DRC10: variants seen among roughly 807,000 people sequenced by gnomAD.
DRC10 encodes IQ domain-containing protein D.
At chr12:113,196,015 A>C in the DRC10 span, 3 of 1,379,062 alleles carry the variant, frequency 2.2e-6, no homozygotes, top group South Asian at 1.5e-5. Context: ...TAAGCTGTTC[A>C]GCATCTCTCG....
At chr12:113,205,853 C>CA in the DRC10 span, among the ~76,000 whole-genome samples, 8 of 139,536 alleles carry the variant, frequency 5.7e-5, no homozygotes, top group Middle Eastern at 4.3e-3. Context: ...TGCGCCACTG[C>CA]AGTCCGCAGT....
chr12:113,201,327 G>C, the DRC10 span, among the ~76,000 whole-genome samples: 3 of 152,246 alleles, frequency 2.0e-5, no homozygotes, highest in Non-Finnish European at 4.4e-5. Flanking sequence ...GGCTTCATCT[G>C]TCTGGGGTTG....
the DRC10 span, among the ~76,000 whole-genome samples, chr12:113,196,179 T>G: frequency 6.6e-6 from 1 of 152,152 alleles, no homozygotes; most frequent in South Asian, 2.1e-4. Flanking sequence ...TCAACTGACT[T>G]CACCTTTCGG....
At chr12:113,196,375 T>C in the DRC10 span, among the ~76,000 whole-genome samples, 2 of 152,278 alleles carry the variant, frequency 1.3e-5, no homozygotes, top group East Asian at 1.9e-4. Flanking sequence ...GAAGGAACTT[T>C]CTCAGGCCTC....
chr12:113,202,057 C>T, the DRC10 span, among the ~76,000 whole-genome samples: 2 of 152,252 alleles, frequency 1.3e-5, no homozygotes, highest in East Asian at 3.8e-4. Context: ...ATGAGACCAG[C>T]AGGGCCACCT....
the DRC10 span, chr12:113,208,369 T>C: frequency 7.2e-7 from 1 of 1,393,198 alleles, no homozygotes; most frequent in East Asian, 2.6e-5. Context: ...AGGTCCTCTG[T>C]CGCTTTTACA....
chr12:113,215,432 A>C, the DRC10 span, among the ~76,000 whole-genome samples: 3 of 152,240 alleles, frequency 2.0e-5, no homozygotes, highest in African/African-American at 7.2e-5. Flanking sequence ...TTCTTAAAAT[A>C]GATGTGCTTT....
At chr12:113,200,776 T>A in the DRC10 span, 14 of 1,534,390 alleles carry the variant, frequency 9.1e-6, no homozygotes, top group African/African-American at 2.7e-5. Flanking sequence ...GTGCAGGTGG[T>A]TTTTCAGTTC....
the DRC10 span, among the ~76,000 whole-genome samples, chr12:113,213,213 A>G: frequency 1.3e-5 from 2 of 149,588 alleles, no homozygotes; most frequent in African/African-American, 4.9e-5. Flanking sequence ...AACCAAAACA[A>G]CTGGAGTGTG....
At chr12:113,215,734 T>G in the DRC10 span, among the ~76,000 whole-genome samples, 2 of 152,204 alleles carry the variant, frequency 1.3e-5, no homozygotes, top group South Asian at 4.1e-4. Context: ...AGCATCACTT[T>G]GGCAGTTTCA....
At chr12:113,215,139 C>T in the DRC10 span, among the ~76,000 whole-genome samples, 1 of 152,204 alleles carries the variant, frequency 6.6e-6, no homozygotes, top group Non-Finnish European at 1.5e-5. Flanking sequence ...TGACCACAAG[C>T]TATATAGCCT....
At chr12:113,201,592 GGGCCCATGTCT>G in the DRC10 span, among the ~76,000 whole-genome samples, 1 of 152,232 alleles carries the variant, frequency 6.6e-6, no homozygotes, top group Non-Finnish European at 1.5e-5. Flanking sequence ...TCTTTCTTGA[GGGCCCATGTCT>G]GGCTTGTCCC....
the DRC10 span, among the ~76,000 whole-genome samples, chr12:113,209,413 T>C: frequency 4.3e-3 from 660 of 152,306 alleles, 5 homozygotes; most frequent in African/African-American, 0.015. Flanking sequence ...CCAACATTAA[T>C]TTTGTAGGCG....
the DRC10 span, among the ~76,000 whole-genome samples, chr12:113,202,635 G>A: frequency 2.0e-5 from 3 of 152,350 alleles, no homozygotes; most frequent in South Asian, 2.1e-4. Flanking sequence ...GTGTCCTTAA[G>A]GGGCAGAACC....
the DRC10 span, among the ~76,000 whole-genome samples, chr12:113,218,535 C>T: frequency 6.6e-6 from 1 of 152,046 alleles, no homozygotes; most frequent in Admixed American, 6.5e-5. Context: ...TTGACCTCCC[C>T]AGGCTCAGGT....
the DRC10 span, among the ~76,000 whole-genome samples, chr12:113,213,202 A>C: frequency 1.3e-5 from 2 of 150,922 alleles, no homozygotes; most frequent in African/African-American, 2.4e-5. Context: ...AAAAAAAAAA[A>C]AACCAAAACA....
chr12:113,207,929 C>T, the DRC10 span: 1 of 1,614,230 alleles, frequency 6.2e-7, no homozygotes, highest in Non-Finnish European at 8.5e-7. Context: ...AGCATCCCCT[C>T]CATATCCTCT....
the DRC10 span, among the ~76,000 whole-genome samples, chr12:113,204,304 T>A: frequency 0.015 from 2,322 of 152,340 alleles, 46 homozygotes; most frequent in African/African-American, 0.052. Context: ...TCTGTCTCCT[T>A]CCCCTGCTTT....
At chr12:113,217,056 T>G in the DRC10 span, among the ~76,000 whole-genome samples, 1 of 152,116 alleles carries the variant, frequency 6.6e-6, no homozygotes, top group Non-Finnish European at 1.5e-5. Context: ...ACCACTGCAC[T>G]CCAGCCTGGG....
Sources: gnomAD v4.1 joint callset for allele counts (sites outside exome capture counted in the v4.1 genomes callset) on GRCh38, gnomAD v4.1.1 for gene constraint, MANE v1.5 for transcripts, NCBI Gene and HGNC (gene_info 2026-07-23, HGNC 2026-07-21) for gene names.